ARID1B: variants seen among roughly 807,000 people sequenced by gnomAD.
ARID1B encodes the protein AT-rich interaction domain 1B.
In ARID1B, 30 loss-of-function variants were observed where a neutral mutation model predicts 212.3. The observed-to-expected ratio is 0.14, with a 90% CI of 0.11 to 0.19. ARID1B has a LOEUF of 0.19. Ranked by LOEUF, ARID1B falls within the 10% of genes least tolerant of loss-of-function variation. ARID1B has a pLI of 1.00. For missense variants in ARID1B, 2,891 were observed against 3,204.0 expected, an observed-to-expected ratio of 0.90 and a Z score of 2.36; for synonymous variants, 1,402 against 1,301.7, an observed-to-expected ratio of 1.08 and a Z score of -1.66.
At position 157,185,171 on chromosome 6, in the gene ARID1B, C is replaced by T. The variant is rs143240148; in HGVS notation, c.3919+736C>T. On this transcript the variant is annotated intron_variant, in intron 13 of 19. Transcript: ENST00000636930. ...TCCTTTCAGCTCCCCTGCCAGCCTT[C>T]GTTCTACCGTTTGGCTTTCAGATTT... 465 of 152,490 alleles carry T rather than the reference C, an allele frequency of 3.0e-3. 3 individuals are homozygous for T. Among genetic ancestry groups the T allele is most frequent in the Admixed American group, 5.4e-3 (83 of 15,312 alleles). 9.4% of individuals were successfully genotyped at this position (152,490 alleles called of 1,614,324 possible). A position where few individuals can be genotyped will look rare whatever the true frequency, so the allele number is the denominator to read the frequency against.
chr6:156,827,618 G>A (rs556144503), intron 1 of ARID1B, among the ~76,000 whole-genome samples: 2 of 152,184 alleles, frequency 1.3e-5, no homozygotes, highest in Non-Finnish European at 2.9e-5. Flanking sequence ...GATCCAGATG[G>A]TTTTTATTTC....
intron 4 of ARID1B, among the ~76,000 whole-genome samples, chr6:157,033,354 C>T (rs1160410631): frequency 6.6e-6 from 1 of 152,070 alleles, no homozygotes; most frequent in African/African-American, 2.4e-5. Flanking sequence ...TTTAGTTCCT[C>T]TTTTTGTGAC....
intron 6 of ARID1B, among the ~76,000 whole-genome samples, chr6:157,132,322 G>A (rs1216423934): frequency 2.0e-5 from 3 of 152,214 alleles, no homozygotes; most frequent in African/African-American, 7.2e-5. Flanking sequence ...TTGGAGGAGT[G>A]GCAGTACCAG....
At chr6:157,085,843 T>TA (rs1784931144) in intron 5 of ARID1B, among the ~76,000 whole-genome samples, 1 of 152,188 alleles carries the variant, frequency 6.6e-6, no homozygotes, top group Non-Finnish European at 1.5e-5. Flanking sequence ...GTTTAAGAAT[T>TA]AGAGTATCAT....
chr6:156,987,489 C>T (rs1424245985), intron 4 of ARID1B, among the ~76,000 whole-genome samples: 1 of 152,106 alleles, frequency 6.6e-6, no homozygotes, highest in African/African-American at 2.4e-5. Flanking sequence ...CGCTACTGCA[C>T]CCGGCTAATT....
At chr6:156,934,790 G>C (rs965750720) in intron 3 of ARID1B, among the ~76,000 whole-genome samples, 4 of 150,568 alleles carry the variant, frequency 2.7e-5, no homozygotes, top group African/African-American at 9.8e-5. Context: ...GTTCACTCTG[G>C]GTTTAAAGAC....
intron 4 of ARID1B, among the ~76,000 whole-genome samples, chr6:156,998,899 C>G (rs1011663063): frequency 6.6e-6 from 1 of 152,188 alleles, no homozygotes; most frequent in Non-Finnish European, 1.5e-5. Context: ...GAACGCGGCC[C>G]TTGAGAAAAT....
intron 5 of ARID1B, among the ~76,000 whole-genome samples, chr6:157,109,456 A>T (rs1786738044): frequency 6.6e-6 from 1 of 152,166 alleles, no homozygotes; most frequent in African/African-American, 2.4e-5. Flanking sequence ...TTTCCAATTT[A>T]TTGAAGCAAA....
At chr6:156,924,053 T>G (rs78333945) in intron 3 of ARID1B, among the ~76,000 whole-genome samples, 1 of 152,206 alleles carries the variant, frequency 6.6e-6, no homozygotes, top group Non-Finnish European at 1.5e-5. Context: ...TGTGAACATT[T>G]AAATGGCACC....
In ARID1B at chr6:157,039,616, ACCTTCCTTCCTT is replaced by A. The variant is rs1368853614; in HGVS notation, c.2248-45028_2248-45017del. Among the ~76,000 whole-genome samples the A allele has an allele frequency of 6.5e-5, 8 of 123,288 alleles. 1 individual carries two copies. The highest frequency in any genetic ancestry group is 3.9e-4 in the Admixed American group (5 of 12,752). 80.9% of individuals were successfully genotyped at this position (123,288 alleles called of 152,430 possible). A position where few individuals can be genotyped will look rare whatever the true frequency, so the allele number is the denominator to read the frequency against. On this transcript the variant is annotated intron_variant, in intron 4 of 19. Transcript: ENST00000636930. The stretch of plus-strand genomic sequence containing the variant: ...TATTTTTGAATTCCAAAAGCTACCT[ACCTTCCTTCCTT>A]CCTTCCTTCCTTCCTTCTTTCCTTC...
intron 2 of ARID1B, among the ~76,000 whole-genome samples, chr6:156,875,834 C>T (rs757976508): frequency 5.9e-5 from 9 of 152,206 alleles, no homozygotes; most frequent in Non-Finnish European, 1.2e-4. Flanking sequence ...AAGAGGGCTA[C>T]GTTTTGGCTA....
intron 3 of ARID1B, among the ~76,000 whole-genome samples, chr6:156,927,064 TA>T (rs1791280729): frequency 6.6e-6 from 1 of 152,210 alleles, no homozygotes; most frequent in African/African-American, 2.4e-5. Context: ...ATAATACAGT[TA>T]TCACTATTAA....
At chr6:156,967,427 G>A (rs1794844632) in intron 4 of ARID1B, among the ~76,000 whole-genome samples, 1 of 152,182 alleles carries the variant, frequency 6.6e-6, no homozygotes, top group Non-Finnish European at 1.5e-5. Context: ...CACCAATGAA[G>A]TTAATGATTA....
chr6:157,087,088 C>T (rs1439671803), intron 5 of ARID1B, among the ~76,000 whole-genome samples: 1 of 152,172 alleles, frequency 6.6e-6, no homozygotes, highest in Non-Finnish European at 1.5e-5. Context: ...TGTAGCCGAC[C>T]TCTATATGGT....
Position 157,167,338 on chromosome 6 carries a change from C to T in ARID1B, c.3235+153C>T, listed in dbSNP as rs796558963. 7 of 862,760 alleles carry T rather than the reference C, an allele frequency of 8.1e-6. No individual in the cohort carries two copies. The South Asian group carries it at 1.5e-4, about 18-fold the overall frequency. The allele number at this position is 862,760 out of a possible 1,614,324, so 53.4% of individuals were successfully genotyped here. A position where few individuals can be genotyped will look rare whatever the true frequency, so the allele number is the denominator to read the frequency against. On this transcript the variant is annotated intron_variant, in intron 9 of 19. Coordinates refer to ENST00000636930, the MANE Select transcript of ARID1B (RefSeq NM_001374828.1). ...TTTTCTGCTTCTCAGAAACTTGCTC[C>T]ATCTATTTAAGACTTGAGAATTACA...
chr6:157,013,366 A>T (rs1219084453), intron 4 of ARID1B, among the ~76,000 whole-genome samples: 3 of 152,302 alleles, frequency 2.0e-5, no homozygotes, highest in Non-Finnish European at 2.9e-5. Flanking sequence ...TCTGAAGCCT[A>T]TGGACTTAGT....
At chr6:157,074,943 T>C (rs1290041083) in intron 4 of ARID1B, among the ~76,000 whole-genome samples, 1 of 152,204 alleles carries the variant, frequency 6.6e-6, no homozygotes. Context: ...AAGTCCTTAT[T>C]GATACTATTT....
chr6:156,934,948 A>ATATATATATATATG (rs1792068252), intron 3 of ARID1B, among the ~76,000 whole-genome samples: 2 of 91,420 alleles, frequency 2.2e-5, no homozygotes, highest in South Asian at 6.0e-4. Flanking sequence ...ATATATATAT[A>ATATATATATATATG]TATATATATA....
At chr6:156,864,094 A>G (rs1785518010) in intron 2 of ARID1B, among the ~76,000 whole-genome samples, 1 of 152,216 alleles carries the variant, frequency 6.6e-6, no homozygotes, top group Non-Finnish European at 1.5e-5. Flanking sequence ...TTATGTCTGT[A>G]GAACACAGTA....
Sources: allele counts gnomAD v4.1 joint callset (sites outside exome capture counted in the v4.1 genomes callset), GRCh38; gene constraint gnomAD v4.1.1; transcripts MANE v1.5; gene names NCBI Gene and HGNC (gene_info 2026-07-23, HGNC 2026-07-21).